The following DPYD variants were observed in gnomAD, a reference collection of about 807,000 sequenced individuals.
DPYD encodes dihydropyrimidine dehydrogenase [NADP(+)].
DPYD carries 109 observed loss-of-function variants against 116.2 expected under a neutral mutation model. The observed-to-expected ratio is 0.94, with a 90% CI of 0.80 to 1.10. The LOEUF is 1.10. Ranked by LOEUF, DPYD falls within the 50% of genes least tolerant of loss-of-function variation. The probability of loss-of-function intolerance (pLI) is 0.00; values close to 1 mark genes in which losing one functional copy is unlikely to be tolerated. For missense variants in DPYD, 1,302 were observed against 1,254.5 expected (o/e 1.04, Z -0.57); for synonymous variants, 440 against 432.0 (o/e 1.02, Z -0.23).
intron 12 of DPYD, among the ~76,000 whole-genome samples, chr1:97,539,094 C>A (rs1247092010): frequency 6.6e-6 from 1 of 151,962 alleles, no homozygotes; most frequent in Non-Finnish European, 1.5e-5. Flanking sequence ...CCTAAGCCAA[C>A]AATGAAAAAA....
At chr1:97,196,122 CAG>C (rs1427358861) in intron 19 of DPYD, among the ~76,000 whole-genome samples, 2 of 151,868 alleles carry the variant, frequency 1.3e-5, no homozygotes, top group African/African-American at 4.8e-5. Context: ...ATTTTTGAGA[CAG>C]AGTCTTGCTC....
chr1:97,680,639 T>C (rs1660381078), intron 7 of DPYD, among the ~76,000 whole-genome samples: 1 of 152,112 alleles, frequency 6.6e-6, no homozygotes, highest in African/African-American at 2.4e-5. Flanking sequence ...TTTTCAGTAA[T>C]AATATATGTA....
chr1:97,583,969 G>A (rs537701734), intron 10 of DPYD, among the ~76,000 whole-genome samples: 1 of 152,170 alleles, frequency 6.6e-6, no homozygotes, highest in South Asian at 2.1e-4. Flanking sequence ...TCTAGTTCTA[G>A]ATCCCTGAGG....
intron 2 of DPYD, among the ~76,000 whole-genome samples, chr1:97,874,989 G>C (rs1186395558): frequency 1.3e-5 from 2 of 151,830 alleles, no homozygotes; most frequent in Non-Finnish European, 2.9e-5. Context: ...ATATGCATCA[G>C]AGAATTGATC....
At chr1:97,315,705 C>T (rs772355654) in intron 16 of DPYD, among the ~76,000 whole-genome samples, 4 of 151,986 alleles carry the variant, frequency 2.6e-5, no homozygotes, top group Admixed American at 6.6e-5. Flanking sequence ...TGAATCCAAA[C>T]GAATCTCTCA....
chr1:97,813,027 T>C (rs115306154), intron 3 of DPYD, among the ~76,000 whole-genome samples: 2,705 of 152,206 alleles, frequency 0.018, 50 homozygotes, highest in Middle Eastern at 0.062. Context: ...CAAAGAACAA[T>C]AGACTTTCAT....
At chr1:97,123,042 A>G (rs1467222442) in intron 20 of DPYD, among the ~76,000 whole-genome samples, 3 of 152,146 alleles carry the variant, frequency 2.0e-5, no homozygotes, top group Admixed American at 1.3e-4. Flanking sequence ...TATTATCTTT[A>G]AAGTAAAGGT....
At chr1:97,632,063 T>C (rs1413256955) in intron 8 of DPYD, among the ~76,000 whole-genome samples, 1 of 151,978 alleles carries the variant, frequency 6.6e-6, no homozygotes, top group Non-Finnish European at 1.5e-5. Flanking sequence ...ATTACTAATA[T>C]AACAGGGACT....
chr1:97,190,805 A>C (rs560784014), intron 20 of DPYD, among the ~76,000 whole-genome samples: 1 of 152,194 alleles, frequency 6.6e-6, no homozygotes, highest in African/African-American at 2.4e-5. Context: ...CAAACACTGC[A>C]CTGTAATGGG....
intron 13 of DPYD, among the ~76,000 whole-genome samples, chr1:97,490,394 C>T (rs1399687072): frequency 6.8e-6 from 1 of 147,094 alleles, no homozygotes; most frequent in Non-Finnish European, 1.5e-5. Context: ...ATATATATTA[C>T]ATATATTACA....
intron 3 of DPYD, among the ~76,000 whole-genome samples, chr1:97,749,423 C>G (rs1309718373): frequency 6.6e-6 from 1 of 152,154 alleles, no homozygotes; most frequent in Non-Finnish European, 1.5e-5. Flanking sequence ...TAGGCAAAAG[C>G]AAACCAACGA....
intron 11 of DPYD, among the ~76,000 whole-genome samples, chr1:97,560,140 G>C (rs980373102): frequency 1.3e-5 from 2 of 152,098 alleles, no homozygotes; most frequent in East Asian, 1.9e-4. Flanking sequence ...AAATCACAAG[G>C]CTGGGTAAAG....
chr1:97,159,377 C>T (rs1655720198), intron 20 of DPYD, among the ~76,000 whole-genome samples: 1 of 151,746 alleles, frequency 6.6e-6, no homozygotes, highest in Non-Finnish European at 1.5e-5. Context: ...AGAAATTGTC[C>T]AATCTGAAAA....
rs1359716109 is a variant in DPYD at position 97,318,813 on chromosome 1, T to C, written c.2059-12516A>G. On this transcript the variant is annotated intron_variant, in intron 16 of 22. Coordinates refer to ENST00000370192, the MANE Select transcript of DPYD (RefSeq NM_000110.4). ...GCACCACACCACACCTATTCCAAAA[T>C]TGACCACATAGTTGGAAGTAAAGCA... is the stretch of plus-strand genomic sequence containing the variant. Among the ~76,000 whole-genome samples, 8 of 149,824 alleles carry C rather than the reference T, an allele frequency of 5.3e-5. No homozygotes were observed. The East Asian group carries it at 6.0e-4, about 11-fold the overall frequency.
Position 97,699,451 on chromosome 1 carries a change from C to T in DPYD, c.580G>A (p.Gly194Ser), listed in dbSNP as rs1195450864. The T allele has an allele frequency of 1.2e-6, 2 of 1,613,430 alleles. No individual in the cohort carries two copies. Among genetic ancestry groups the T allele is most frequent in the Non-Finnish European group, 1.7e-6 (2 of 1,179,688 alleles). Residue 194 changes from glycine (G) to serine (S), a missense_variant, in exon 6 of 23, where the codon GGT becomes AGT. Coordinates refer to ENST00000370192, the MANE Select transcript of DPYD (RefSeq NM_000110.4). Reference sequence around the variant, plus strand: ...CAACTTATACTTGCAGGCCCAGCACCAAAAAGAGCAATCTTTGCAGAATAG... The same window carrying T: ...CAACTTATACTTGCAGGCCCAGCACTAAAAAGAGCAATCTTTGCAGAATAG... Reference protein sequence around the residue: ...EAYSAKIALFGAGPASISCAS... With the variant: ...EAYSAKIALFSAGPASISCAS...
intron 14 of DPYD, among the ~76,000 whole-genome samples, chr1:97,402,086 A>G (rs1352502808): frequency 2.0e-5 from 3 of 152,066 alleles, no homozygotes; most frequent in Non-Finnish European, 4.4e-5. Flanking sequence ...TTCTCCTTCA[A>G]TATTGTGTTA....
intron 20 of DPYD, among the ~76,000 whole-genome samples, chr1:97,188,532 A>G (rs1410268119): frequency 6.6e-6 from 1 of 152,194 alleles, no homozygotes; most frequent in Non-Finnish European, 1.5e-5. Context: ...AATGACCTGC[A>G]GCACTGGACA....
intron 14 of DPYD, among the ~76,000 whole-genome samples, chr1:97,383,474 T>C (rs1205217921): frequency 1.8e-5 from 2 of 108,458 alleles, no homozygotes; most frequent in African/African-American, 4.1e-5. Context: ...AGACTCTGTC[T>C]CAAAAAAAAA....
intron 13 of DPYD, among the ~76,000 whole-genome samples, chr1:97,456,680 C>T (rs185198134): frequency 3.9e-5 from 6 of 152,086 alleles, no homozygotes; most frequent in African/African-American, 1.2e-4. Flanking sequence ...ACAATGATGG[C>T]GTAATTGAGA....
Sources: gnomAD v4.1 joint callset for allele counts (sites outside exome capture counted in the v4.1 genomes callset) on GRCh38, gnomAD v4.1.1 for gene constraint, MANE v1.5 for transcripts, NCBI Gene and HGNC (gene_info 2026-07-23, HGNC 2026-07-21) for gene names.